PRKN: variants seen among roughly 807,000 people sequenced by gnomAD.
PRKN encodes the protein E3 ubiquitin-protein ligase parkin.
PRKN carries 56 observed loss-of-function variants against 59.5 expected under a neutral mutation model. The ratio of observed to expected loss-of-function variants is 0.94; its 90% CI spans 0.76 to 1.18. PRKN has a LOEUF of 1.18. Among genes scored for constraint, PRKN ranks in the 50% most tolerant of loss-of-function variants. The probability of loss-of-function intolerance (pLI) is 0.00; values close to 1 mark genes in which losing one functional copy is unlikely to be tolerated. For missense variants in PRKN, 657 were observed against 596.4 expected (o/e 1.10, Z -1.06); for synonymous variants, 250 against 222.1 (o/e 1.13, Z -1.12).
At chr6:161,723,851 T>C (rs547202611) in intron 7 of PRKN, among the ~76,000 whole-genome samples, 2 of 152,114 alleles carry the variant, frequency 1.3e-5, no homozygotes, top group African/African-American at 2.4e-5. Flanking sequence ...CTCAAGCTGG[T>C]TCAGCAGACC....
At chr6:162,449,582 ATTTATT>A (rs1043418994) in intron 1 of PRKN, among the ~76,000 whole-genome samples, 3 of 151,690 alleles carry the variant, frequency 2.0e-5, no homozygotes, top group African/African-American at 7.3e-5. Context: ...ATATTTTATT[ATTTATT>A]TTTATTTTTA....
At chr6:161,596,703 G>A (rs1781926830) in intron 7 of PRKN, among the ~76,000 whole-genome samples, 1 of 152,134 alleles carries the variant, frequency 6.6e-6, no homozygotes, top group African/African-American at 2.4e-5. Flanking sequence ...TGGAAGGAGA[G>A]TTACACTAGA....
At chr6:162,130,449 C>T (rs1472121259) in intron 4 of PRKN, among the ~76,000 whole-genome samples, 6 of 152,044 alleles carry the variant, frequency 3.9e-5, no homozygotes, top group African/African-American at 1.5e-4. Context: ...CAGAGCAGGT[C>T]CAGGTCTGAT....
chr6:161,477,438 C>T (rs1486475482), intron 9 of PRKN, among the ~76,000 whole-genome samples: 1 of 148,102 alleles, frequency 6.8e-6, no homozygotes, highest in Non-Finnish European at 1.5e-5. Flanking sequence ...ATCGCTTGAA[C>T]TCAGGAGGCA....
At chr6:161,770,281 C>T (rs989985671) in intron 7 of PRKN, among the ~76,000 whole-genome samples, 8 of 152,242 alleles carry the variant, frequency 5.3e-5, no homozygotes, top group African/African-American at 1.9e-4. Context: ...AACTTACATA[C>T]AGAGGGCTCA....
At chr6:162,035,887 C>T (rs1783818626) in intron 5 of PRKN, among the ~76,000 whole-genome samples, 1 of 151,980 alleles carries the variant, frequency 6.6e-6, no homozygotes, top group Non-Finnish European at 1.5e-5. Flanking sequence ...TCATAGAAAC[C>T]CTTCACACTA....
chr6:161,706,635 T>C (rs1049331781), intron 7 of PRKN, among the ~76,000 whole-genome samples: 2 of 151,910 alleles, frequency 1.3e-5, no homozygotes, highest in African/African-American at 4.8e-5. Context: ...CAGGCTGGAG[T>C]GCGGTGGCGC....
At chr6:162,608,601 A>G (rs1308791762) in intron 1 of PRKN, among the ~76,000 whole-genome samples, 1 of 152,246 alleles carries the variant, frequency 6.6e-6, no homozygotes, top group Non-Finnish European at 1.5e-5. Flanking sequence ...ATAGTCAAGA[A>G]GCAGAAATTC....
At chr6:161,714,747 G>A (rs1786899773) in intron 7 of PRKN, among the ~76,000 whole-genome samples, 1 of 152,174 alleles carries the variant, frequency 6.6e-6, no homozygotes, top group Non-Finnish European at 1.5e-5. Context: ...AACACACAGA[G>A]ATTAGTGAAT....
intron 9 of PRKN, among the ~76,000 whole-genome samples, chr6:161,441,845 C>T (rs1227480025): frequency 1.3e-5 from 2 of 152,140 alleles, no homozygotes; most frequent in South Asian, 2.1e-4. Flanking sequence ...GGCATCTTCC[C>T]TCCCTCCATC....
chr6:162,089,839 T>C (rs1562506362), intron 4 of PRKN, among the ~76,000 whole-genome samples: 1 of 152,136 alleles, frequency 6.6e-6, no homozygotes, highest in Admixed American at 6.5e-5. Flanking sequence ...GGCAAATTCA[T>C]AGAGACAAAG....
At chr6:161,727,537 A>T (rs1787493101) in intron 7 of PRKN, among the ~76,000 whole-genome samples, 1 of 152,226 alleles carries the variant, frequency 6.6e-6, no homozygotes. Context: ...GATCCAATTG[A>T]TTGTAGAGAA....
In PRKN at chr6:162,682,848, T is replaced by C. The variant is rs1779823431; in HGVS notation, c.7+44814A>G. Among the ~76,000 whole-genome samples, 3 of 152,054 alleles carry C rather than the reference T, an allele frequency of 2.0e-5. No homozygotes were observed. The South Asian group carries it at 6.2e-4, about 32-fold the overall frequency. Reference sequence around the variant, plus strand: ...TAGATTCTATTAATTTGGTAGACCATTATGTAGGTAATAAGGGTACATTTG... The same window carrying C: ...TAGATTCTATTAATTTGGTAGACCACTATGTAGGTAATAAGGGTACATTTG... On this transcript the variant is annotated intron_variant, in intron 1 of 11. Coordinates refer to ENST00000366898, the MANE Select transcript of PRKN (RefSeq NM_004562.3).
intron 7 of PRKN, among the ~76,000 whole-genome samples, chr6:161,672,531 T>C (rs1307504754): frequency 6.6e-6 from 1 of 152,210 alleles, no homozygotes; most frequent in Non-Finnish European, 1.5e-5. Flanking sequence ...ATCCCAACAC[T>C]TTGGCAGGCC....
At chr6:161,806,209 C>T (rs1016420523) in intron 6 of PRKN, among the ~76,000 whole-genome samples, 2 of 152,148 alleles carry the variant, frequency 1.3e-5, no homozygotes, top group Admixed American at 6.5e-5. Flanking sequence ...ACATGACCAG[C>T]GACAGCTAGA....
At chr6:161,869,614 T>C (rs1794263463) in intron 6 of PRKN, among the ~76,000 whole-genome samples, 1 of 152,134 alleles carries the variant, frequency 6.6e-6, no homozygotes, top group Non-Finnish European at 1.5e-5. Flanking sequence ...GACTCTGCTG[T>C]TTCTGTCAAG....
Position 161,550,757 on chromosome 6 carries a change from G to GTA in PRKN, c.934-1755_934-1754insTA, listed in dbSNP as rs772507320. ...TGTGCACGTGTGTGTGTGTGTGTGT[G>GTA]TGTGTAGGGAGTTGAGGCATGAAAT... On this transcript the variant is annotated intron_variant, in intron 8 of 11. Coordinates refer to ENST00000366898, the MANE Select transcript of PRKN (RefSeq NM_004562.3). The surrounding 1 kb of genome is among the most constrained non-coding windows in gnomAD (Gnocchi z 4.0). Among the ~76,000 whole-genome samples, 5 of 151,822 alleles carry GTA rather than the reference G, an allele frequency of 3.3e-5. No homozygotes were observed. Among genetic ancestry groups the GTA allele is most frequent in the Non-Finnish European group, 5.9e-5 (4 of 67,942 alleles).
intron 4 of PRKN, among the ~76,000 whole-genome samples, chr6:162,108,463 T>C (rs1180459127): frequency 1.3e-5 from 2 of 152,204 alleles, no homozygotes; most frequent in African/African-American, 4.8e-5. Flanking sequence ...AAATCGCACA[T>C]TTTACGAAAT....
At chr6:162,299,792 C>G (rs1203317441) in intron 2 of PRKN, among the ~76,000 whole-genome samples, 12 of 152,090 alleles carry the variant, frequency 7.9e-5, no homozygotes, top group Non-Finnish European at 5.9e-5. Flanking sequence ...GCTTAGCACA[C>G]AGGTGTTCAA....
Sources: gnomAD v4.1 joint callset for allele counts (sites outside exome capture counted in the v4.1 genomes callset) on GRCh38, gnomAD v4.1.1 for gene constraint, Gnocchi (gnomAD v3.1) non-coding constraint, MANE v1.5 for transcripts, NCBI Gene and HGNC (gene_info 2026-07-23, HGNC 2026-07-21) for gene names.